Variants in GPC6 observed in about 807,000 individuals in gnomAD.
GPC6 encodes the protein glypican-6.
Under a neutral mutation model 55.2 loss-of-function variants are expected in GPC6, and 14 were observed. The observed-to-expected ratio is 0.25, with a 90% CI of 0.17 to 0.40. The LOEUF is 0.40. Among genes scored for constraint, GPC6 ranks in the 10% least tolerant of loss-of-function variants. The pLI, the probability that GPC6 is intolerant of heterozygous loss-of-function variation, is 1.00. For synonymous variants in GPC6, 278 were observed against 259.6 expected, an observed-to-expected ratio of 1.07 and a Z score of -0.68; for missense variants, 641 against 708.5, an observed-to-expected ratio of 0.90 and a Z score of 1.08.
At chr13:93,266,262 T>C (rs1207899138) in intron 1 of GPC6, among the ~76,000 whole-genome samples, 2 of 152,220 alleles carry the variant, frequency 1.3e-5, no homozygotes, top group Non-Finnish European at 2.9e-5. Flanking sequence ...TTAAATTGTG[T>C]ATAATTTCTG....
intron 1 of GPC6, among the ~76,000 whole-genome samples, chr13:93,469,990 C>T (rs1051675034): frequency 3.9e-5 from 6 of 152,030 alleles, no homozygotes; most frequent in African/African-American, 1.4e-4. Flanking sequence ...TGTGTATATC[C>T]TCCCACCAAT....
chr13:94,319,659 T>C (rs1207888656), intron 6 of GPC6, among the ~76,000 whole-genome samples: 1 of 152,208 alleles, frequency 6.6e-6, no homozygotes, highest in Non-Finnish European at 1.5e-5. Flanking sequence ...TGTGCTGAAC[T>C]GTAATTCTAG....
At chr13:93,562,719 ATAT>A (rs1182706292) in intron 2 of GPC6, among the ~76,000 whole-genome samples, 1 of 152,208 alleles carries the variant, frequency 6.6e-6, no homozygotes, top group African/African-American at 2.4e-5. Flanking sequence ...AAAATTCCTA[ATAT>A]TCAAATTCTT....
intron 2 of GPC6, among the ~76,000 whole-genome samples, chr13:93,781,334 C>T (rs1388172498): frequency 6.6e-6 from 1 of 150,608 alleles, no homozygotes. Context: ...TCTTTACTAA[C>T]AAAAGTCTTT....
intron 4 of GPC6, among the ~76,000 whole-genome samples, chr13:94,265,418 C>T (rs1282363315): frequency 2.0e-5 from 3 of 152,170 alleles, no homozygotes; most frequent in Non-Finnish European, 4.4e-5. Flanking sequence ...CCAGTCTAGT[C>T]TTTCCACGTT....
At position 94,014,182 on chromosome 13, in the gene GPC6, A is replaced by G. The variant is rs1882364527; in HGVS notation, c.712-13547A>G. 2.0e-5 allele frequency among the ~76,000 whole-genome samples: 3 copies of G among 152,186 alleles called. No homozygotes were observed. In the South Asian group the frequency reaches 6.2e-4, roughly 31 times the overall value. On this transcript the variant is annotated intron_variant, in intron 3 of 8. Transcript: ENST00000377047. ...ACATTTTAATCAGTATTCAAATGGA[A>G]TTAGAAGGCCCCAAGGTTTTCTGTG...
At chr13:94,108,552 C>T (rs953976625) in intron 4 of GPC6, among the ~76,000 whole-genome samples, 1 of 152,080 alleles carries the variant, frequency 6.6e-6, no homozygotes, top group African/African-American at 2.4e-5. Flanking sequence ...TTAAAAAATA[C>T]ATTAGGTACC....
intron 4 of GPC6, among the ~76,000 whole-genome samples, chr13:94,093,233 T>C (rs557598068): frequency 2.0e-5 from 3 of 152,244 alleles, no homozygotes; most frequent in South Asian, 4.1e-4. Flanking sequence ...CTTTTAATAG[T>C]TTTATAGTTT....
At chr13:93,915,726 G>C (rs1277896523) in intron 3 of GPC6, among the ~76,000 whole-genome samples, 1 of 152,092 alleles carries the variant, frequency 6.6e-6, no homozygotes, top group African/African-American at 2.4e-5. Flanking sequence ...CCACCTCTTT[G>C]ACCTGAATCT....
intron 2 of GPC6, among the ~76,000 whole-genome samples, chr13:93,739,979 C>G (rs1884145145): frequency 6.6e-6 from 1 of 152,030 alleles, no homozygotes; most frequent in African/African-American, 2.4e-5. Context: ...TTGTATGGGG[C>G]AGTCAGAGAA....
chr13:93,527,226 G>T (rs551271025), intron 1 of GPC6, among the ~76,000 whole-genome samples: 52 of 152,058 alleles, frequency 3.4e-4, no homozygotes, highest in Admixed American at 3.4e-3. Context: ...GTGTGTGTGT[G>T]GTAAGAGCAC....
intron 3 of GPC6, among the ~76,000 whole-genome samples, chr13:93,961,550 A>C (rs1471712655): frequency 6.6e-6 from 1 of 152,232 alleles, no homozygotes; most frequent in Non-Finnish European, 1.5e-5. Context: ...TTGTTGACAT[A>C]CCAGAGTAAC....
At chr13:93,348,117 G>A (rs943224759) in intron 1 of GPC6, among the ~76,000 whole-genome samples, 2 of 152,240 alleles carry the variant, frequency 1.3e-5, no homozygotes, top group East Asian at 3.9e-4. Flanking sequence ...CTCTTGTGAA[G>A]GATACAAAAA....
intron 4 of GPC6, among the ~76,000 whole-genome samples, chr13:94,282,352 G>A (rs1892407638): frequency 6.6e-6 from 1 of 152,128 alleles, no homozygotes; most frequent in Admixed American, 6.5e-5. Context: ...ATGAGCAAAG[G>A]GGAGGAAAAG....
At chr13:93,725,545 A>T (rs1027197553) in intron 2 of GPC6, among the ~76,000 whole-genome samples, 1 of 152,080 alleles carries the variant, frequency 6.6e-6, no homozygotes, top group Admixed American at 6.6e-5. Flanking sequence ...CTCCAAAAAA[A>T]TAGAGAGAGT....
At chr13:94,176,860 A>G (rs1888794552) in intron 4 of GPC6, among the ~76,000 whole-genome samples, 1 of 152,210 alleles carries the variant, frequency 6.6e-6, no homozygotes, top group South Asian at 2.1e-4. Flanking sequence ...CCTTAATGCA[A>G]TCAGAATCCC....
chr13:94,264,096 T>G (rs1403848227), intron 4 of GPC6, among the ~76,000 whole-genome samples: 2 of 152,188 alleles, frequency 1.3e-5, no homozygotes, highest in African/African-American at 4.8e-5. Flanking sequence ...GTTTAGTCAT[T>G]GATCTCCCAC....
intron 5 of GPC6, among the ~76,000 whole-genome samples, chr13:94,292,628 T>G (rs1875047499): frequency 6.6e-6 from 1 of 152,198 alleles, no homozygotes; most frequent in Admixed American, 6.6e-5. Context: ...GTATCTCTTA[T>G]GTATCTCTCT....
At chr13:94,388,611 C>T (rs1249579264) in intron 7 of GPC6, among the ~76,000 whole-genome samples, 3 of 152,208 alleles carry the variant, frequency 2.0e-5, no homozygotes, top group African/African-American at 7.2e-5. Flanking sequence ...AAAAATACCA[C>T]AGATATAATA....
Sources: gnomAD v4.1 joint callset for allele counts (sites outside exome capture counted in the v4.1 genomes callset) on GRCh38, gnomAD v4.1.1 for gene constraint, MANE v1.5 for transcripts, NCBI Gene and HGNC (gene_info 2026-07-23, HGNC 2026-07-21) for gene names.